Variants in ALDH1A2 observed in about 807,000 individuals in gnomAD.
ALDH1A2 encodes the protein aldehyde dehydrogenase 1 family member A2, also known as retinal dehydrogenase 2.
ALDH1A2 carries 27 observed loss-of-function variants against 60.3 expected under a neutral mutation model. The ratio of observed to expected loss-of-function variants is 0.45; its 90% CI spans 0.33 to 0.62. The LOEUF (loss-of-function observed/expected upper bound fraction) is 0.62. Ranked by LOEUF, ALDH1A2 falls within the 20% of genes least tolerant of loss-of-function variation. The probability of loss-of-function intolerance (pLI) is 0.02; values close to 1 mark genes in which losing one functional copy is unlikely to be tolerated. For synonymous variants in ALDH1A2, 289 were observed against 232.4 expected (o/e 1.24, Z -2.21); for missense variants, 581 against 643.8 (o/e 0.90, Z 1.06).
intron 4 of ALDH1A2, among the ~76,000 whole-genome samples, chr15:57,996,749 C>T (rs1895077916): frequency 6.6e-6 from 1 of 151,976 alleles, no homozygotes; most frequent in African/African-American, 2.4e-5. Flanking sequence ...CCAAATCACC[C>T]TTCAGAAAAG....
intron 1 of ALDH1A2, among the ~76,000 whole-genome samples, chr15:58,017,245 T>C (rs1415109884): frequency 6.6e-6 from 1 of 152,176 alleles, no homozygotes; most frequent in East Asian, 1.9e-4. Flanking sequence ...CCTGCTCTGA[T>C]AAAAGGACAT....
chr15:57,995,021 C>G, intron 5 of ALDH1A2, 57 bp downstream of exon 5: 1 of 1,499,448 alleles, frequency 6.7e-7, no homozygotes, highest in South Asian at 1.1e-5. Context: ...TTTTATGTGT[C>G]TTTAAGAGAA....
chr15:58,048,461 C>T (rs1319168043), intron 1 of ALDH1A2, among the ~76,000 whole-genome samples: 2 of 152,106 alleles, frequency 1.3e-5, no homozygotes, highest in East Asian at 1.9e-4. Context: ...CAAAAGGTCA[C>T]TAGTCGTGTT....
chr15:57,962,147 C>T lies in ALDH1A2; in HGVS notation c.1116G>A (p.Leu372=), dbSNP rs566152453. The change falls in exon 10 of 13, where the codon TTG becomes TTA. Residue 372 remains leucine (L), a synonymous_variant. Coordinates refer to ENST00000249750, the MANE Select transcript of ALDH1A2 (RefSeq NM_003888.4). ...CAGCCACACCACTCTGGATGAGTTCCAAGATCTTGTTGTACTGTTTCTTAT... is the reference window on the plus strand; with the variant it reads ...CAGCCACACCACTCTGGATGAGTTCTAAGATCTTGTTGTACTGTTTCTTAT... The part of the protein sequence containing the change: ...QIDKKQYNKI[L]ELIQSGVAEG... The T allele has an allele frequency of 6.2e-7, 1 of 1,614,152 alleles. No homozygotes were observed. The highest frequency in any genetic ancestry group is 2.2e-5 in the East Asian group (1 of 44,882).
intron 2 of ALDH1A2, 82 bp downstream of exon 2, chr15:58,014,095 G>A (rs1895719244): frequency 6.2e-7 from 1 of 1,613,952 alleles, no homozygotes; most frequent in Non-Finnish European, 8.5e-7. Flanking sequence ...GCATGTAGTG[G>A]TGTACTGAGA....
At chr15:58,059,892 A>G (rs1595698116) in intron 1 of ALDH1A2, among the ~76,000 whole-genome samples, 1 of 152,216 alleles carries the variant, frequency 6.6e-6, no homozygotes, top group African/African-American at 2.4e-5. Flanking sequence ...AAAAGAATAC[A>G]TAAAACAGAC....
intron 4 of ALDH1A2, among the ~76,000 whole-genome samples, chr15:57,998,248 A>G (rs529438299): frequency 4.6e-5 from 7 of 152,224 alleles, no homozygotes; most frequent in East Asian, 1.9e-4. Flanking sequence ...ATAGGAAGAG[A>G]GAAAGTAAAA....
At chr15:58,058,499 T>C (rs1182217233) in intron 1 of ALDH1A2, among the ~76,000 whole-genome samples, 1 of 149,750 alleles carries the variant, frequency 6.7e-6, no homozygotes, top group Non-Finnish European at 1.5e-5. Context: ...TAAGAGTCAC[T>C]GGACTTGAAA....
chr15:57,986,475 A>G (rs771542786), intron 7 of ALDH1A2, among the ~76,000 whole-genome samples: 17 of 151,658 alleles, frequency 1.1e-4, no homozygotes, highest in Non-Finnish European at 2.1e-4. Flanking sequence ...AGGAAAAAAA[A>G]AGTTTGACAT....
chr15:57,997,430 C>G (rs1353057186), intron 4 of ALDH1A2, among the ~76,000 whole-genome samples: 1 of 151,822 alleles, frequency 6.6e-6, no homozygotes, highest in Non-Finnish European at 1.5e-5. Flanking sequence ...TAGTCACAGA[C>G]CACAGAATCA....
chr15:57,954,930 T>C lies in ALDH1A2; in HGVS notation c.*267A>G, dbSNP rs996972540. On this transcript the variant is annotated 3_prime_UTR_variant, in exon 13 of 13. Coordinates refer to ENST00000249750, the MANE Select transcript of ALDH1A2 (RefSeq NM_003888.4). ...CATCCTGTGCTCCAGAAGGAGATAC[T>C]GGATGTGTCTGCTAGCTCCTCCTCC... is the stretch of plus-strand genomic sequence containing the variant. 1 of 550,960 alleles carries C rather than the reference T, an allele frequency of 1.8e-6. No homozygotes were observed. Among genetic ancestry groups the C allele is most frequent in the Non-Finnish European group, 3.3e-6 (1 of 306,310 alleles). The allele number at this position is 550,960 out of a possible 1,614,324, so 34.1% of individuals were successfully genotyped here. A position where few individuals can be genotyped will look rare whatever the true frequency, so the allele number is the denominator to read the frequency against.
intron 4 of ALDH1A2, among the ~76,000 whole-genome samples, chr15:58,007,618 CAT>C (rs1284690374): frequency 6.6e-6 from 1 of 151,972 alleles, no homozygotes; most frequent in African/African-American, 2.4e-5. Flanking sequence ...CACAGAATCA[CAT>C]AGATATTGTA....
intron 4 of ALDH1A2, among the ~76,000 whole-genome samples, chr15:58,008,733 G>C (rs1250875333): frequency 1.3e-5 from 2 of 152,098 alleles, no homozygotes; most frequent in Admixed American, 6.6e-5. Context: ...CCAACAACTA[G>C]GGACTTTGAT....
chr15:58,034,113 G>A (rs1896316482), intron 1 of ALDH1A2, among the ~76,000 whole-genome samples: 1 of 151,448 alleles, frequency 6.6e-6, no homozygotes, highest in Admixed American at 6.6e-5. Flanking sequence ...GCTTCCTATC[G>A]ATAGTGTATC....
chr15:58,062,884 T>C (rs1271585854), intron 1 of ALDH1A2, among the ~76,000 whole-genome samples: 2 of 152,236 alleles, frequency 1.3e-5, no homozygotes, highest in East Asian at 1.9e-4. Context: ...TAAAAGTCCA[T>C]ACACAACCAT....
intron 7 of ALDH1A2, among the ~76,000 whole-genome samples, chr15:57,978,843 C>G (rs1894373312): frequency 6.6e-6 from 1 of 152,142 alleles, no homozygotes; most frequent in African/African-American, 2.4e-5. Flanking sequence ...TTGAGACCAG[C>G]CTGGCTAACA....
rs1245130255 is a variant in ALDH1A2, at chr15:57,972,028, CTAA to C, written c.799-6204_799-6202del. On this transcript the variant is annotated intron_variant, in intron 7 of 12. Coordinates refer to ENST00000249750, the MANE Select transcript of ALDH1A2 (RefSeq NM_003888.4). ...TATGGGCGTGAGCCATCGTGTCCAG[CTAA>C]TGTTATTGTTGATTGAGCACCTATT... Among the ~76,000 whole-genome samples the C allele has an allele frequency of 2.0e-5, 3 of 152,192 alleles. No homozygotes were observed. In the South Asian group the frequency reaches 6.2e-4, roughly 31 times the overall value.
chr15:58,061,886 A>T (rs1471073353), intron 1 of ALDH1A2, among the ~76,000 whole-genome samples: 1 of 152,162 alleles, frequency 6.6e-6, no homozygotes, highest in Non-Finnish European at 1.5e-5. Flanking sequence ...GATCAACTGA[A>T]CTACTGCTGT....
Position 57,965,729 on chromosome 15 carries a change from A to T in ALDH1A2, c.897T>A (p.Ala299=). 6.2e-7 allele frequency: 1 copy of T among 1,612,672 alleles called. No homozygotes were observed. The highest frequency in any genetic ancestry group is 8.5e-7 in the Non-Finnish European group (1 of 1,178,606). The change falls in exon 8 of 13, where the codon GCT becomes GCA. Residue 299 remains alanine (A), a synonymous_variant. Transcript: ENST00000249750. ...GKSPNIIFAD[A]DLDYAVEQAH... is the part of the protein sequence containing the mutation. ...TGGGACCTGTAGTTGACTTACAGTC[A>T]GCATCAGCAAAAATAATATTAGGAC...
Sources: gnomAD v4.1 joint callset for allele counts (sites outside exome capture counted in the v4.1 genomes callset) on GRCh38, gnomAD v4.1.1 for gene constraint, MANE v1.5 for transcripts, NCBI Gene and HGNC (gene_info 2026-07-23, HGNC 2026-07-21) for gene names.